The following TSBP1 variants were observed in gnomAD, a reference collection of about 807,000 sequenced individuals.
The protein encoded by TSBP1 is testis-expressed basic protein 1.
In TSBP1, 56 loss-of-function variants were observed where a neutral mutation model predicts 68.8. The observed-to-expected ratio is 0.81, with a 90% CI of 0.66 to 1.02. TSBP1 has a LOEUF of 1.02. Among genes scored for constraint, TSBP1 ranks in the 50% least tolerant of loss-of-function variants. The pLI is 0.00. For missense variants in TSBP1, 502 were observed against 641.2 expected (o/e 0.78, Z 2.34); for synonymous variants, 171 against 208.7 (o/e 0.82, Z 1.56).
intron 8 of TSBP1, among the ~76,000 whole-genome samples, chr6:32,350,465 A>G (rs1414688832): frequency 6.6e-6 from 1 of 152,188 alleles, no homozygotes; most frequent in Non-Finnish European, 1.5e-5. Context: ...GAAAACTAAA[A>G]AGAGAAGTAA....
At chr6:32,324,579 A>G (rs1364822298) in intron 16 of TSBP1, 1 of 1,535,594 alleles carries the variant, frequency 6.5e-7, no homozygotes, top group Non-Finnish European at 8.8e-7. Context: ...GTATCCCAAT[A>G]TGGGCAGATA....
chr6:32,334,901 G>A (rs1325355005), intron 14 of TSBP1, among the ~76,000 whole-genome samples: 7 of 152,168 alleles, frequency 4.6e-5, no homozygotes, highest in African/African-American at 7.2e-5. Context: ...GGGCGTGGTG[G>A]TGGGTGCCTG....
chr6:32,327,704 A>G (rs1443727899), intron 16 of TSBP1, among the ~76,000 whole-genome samples: 1 of 139,054 alleles, frequency 7.2e-6, no homozygotes, highest in Non-Finnish European at 1.5e-5. Flanking sequence ...CCCAGGCTGG[A>G]GTGCAGTGGC....
chr6:32,367,243 A>AAGAGAGAGAG (rs67714335), intron 4 of TSBP1, among the ~76,000 whole-genome samples: 8 of 130,736 alleles, frequency 6.1e-5, no homozygotes, highest in Admixed American at 2.1e-4. Context: ...GAGGGAAGGA[A>AAGAGAGAGAG]AGAGAGAGAG....
Position 32,337,698 on chromosome 6 carries a change from CCCA to C in TSBP1, c.410-1066_410-1064del, listed in dbSNP as rs1174208849. ...CACATACACATACACACACACACAC[CCCA>C]CCACACCTCTCTACACCTCATAGGC... On this transcript the variant is annotated intron_variant, in intron 11 of 22. Coordinates refer to ENST00000612031, the Ensembl canonical transcript of TSBP1. This position sits in a 1 kb window ranked among gnomAD's most constrained non-coding sequence, Gnocchi z 5.5. Among the ~76,000 whole-genome samples, 1 of 151,736 alleles carries C rather than the reference CCCA, an allele frequency of 6.6e-6. No homozygotes were observed. Among genetic ancestry groups the C allele is most frequent in the Non-Finnish European group, 1.5e-5 (1 of 67,888 alleles).
At chr6:32,366,420 C>A (rs1562197904) in intron 4 of TSBP1, 118 bp from the exon 5 acceptor site, 1 of 1,000,374 alleles carries the variant, frequency 1.0e-6, no homozygotes, top group African/African-American at 1.6e-5. Context: ...GAAGAAAAAT[C>A]TTTTAGGAAA....
chr6:32,323,658 G>A (rs540552166), intron 16 of TSBP1, 44 bp from the exon 18 acceptor site: 1 of 1,596,478 alleles, frequency 6.3e-7, no homozygotes, highest in Middle Eastern at 1.7e-4. Flanking sequence ...TTTCTCCCAT[G>A]ATATTTTCCT....
At position 32,365,771 on chromosome 6, in the gene TSBP1, C is replaced by T; in HGVS notation, c.217+396G>A. ...GTTCTTCTTACCCTCTTTAATACAT[C>T]TGTTCTAGGATTTTATAACCTGACA... On this transcript the variant is annotated intron_variant, in intron 6 of 22. Coordinates refer to ENST00000612031, the Ensembl canonical transcript of TSBP1. The surrounding 1 kb of genome is among the most constrained non-coding windows in gnomAD (Gnocchi z 4.3). The T allele has an allele frequency of 2.5e-6, 1 of 396,970 alleles. No individual in the cohort carries two copies. Among genetic ancestry groups the T allele is most frequent in the South Asian group, 1.9e-5 (1 of 53,232 alleles). The allele number at this position is 396,970 out of a possible 1,614,324, so 24.6% of individuals were successfully genotyped here.
At position 32,335,393 on chromosome 6, in the gene TSBP1, G is replaced by C. The variant is rs752536051; in HGVS notation, c.472+44C>G. The C allele has an allele frequency of 1.4e-6, 2 of 1,477,442 alleles. No individual in the cohort carries two copies. Among genetic ancestry groups the C allele is most frequent in the Non-Finnish European group, 1.8e-6 (2 of 1,110,356 alleles). The allele number at this position is 1,477,442 out of a possible 1,614,324, so 91.5% of individuals were successfully genotyped here. A position where few individuals can be genotyped will look rare whatever the true frequency, so the allele number is the denominator to read the frequency against. ...AAATAAAAATAGATTGATGTTCTAA[G>C]TAAAGTACTAAAAGGCATTATAATT... On this transcript the variant is annotated intron_variant, in intron 14 of 22. Transcript: ENST00000612031. This position sits in a 1 kb window ranked among gnomAD's most constrained non-coding sequence, Gnocchi z 5.5.
At chr6:32,293,369 A>T (rs779538183) in exon 23 of TSBP1, 1 of 1,612,502 alleles carries the variant, frequency 6.2e-7, no homozygotes, top group Non-Finnish European at 8.5e-7. Context: ...TTCCTTTGGC[A>T]CATCTGCCTC....
intron 6 of TSBP1, among the ~76,000 whole-genome samples, chr6:32,359,693 T>G (rs1772777542): frequency 6.6e-6 from 1 of 152,146 alleles, no homozygotes; most frequent in African/African-American, 2.4e-5. Flanking sequence ...GCCATTGCTT[T>G]TGGTGTTTTA....
At chr6:32,324,615 C>CAACT (rs57257463) in intron 16 of TSBP1, 1,057,627 of 1,548,210 alleles carry the variant, frequency 0.68, 363,508 homozygotes, top group South Asian at 0.81. Context: ...CACTAGAGAC[C>CAACT]GAGTCCTAAA....
At chr6:32,371,869 G>T in exon 1 of TSBP1, 1 of 734,764 alleles carries the variant, frequency 1.4e-6, no homozygotes, top group Admixed American at 2.0e-5. Flanking sequence ...CTGAGAAATT[G>T]TGTGGAGCAG....
At position 32,343,735 on chromosome 6, in the gene TSBP1, C is replaced by T. The variant is rs1363437891; in HGVS notation, c.350-4097G>A. Among the ~76,000 whole-genome samples, 3 of 152,184 alleles carry T rather than the reference C, an allele frequency of 2.0e-5. No homozygotes were observed. The highest frequency in any genetic ancestry group is 7.2e-5 in the African/African-American group (3 of 41,444). ...CTTCCAGTTTGCTTGACTTTAAGTT[C>T]AGCACGTTTTCCTTCATATTCTTTA... is the stretch of plus-strand genomic sequence containing the variant. On this transcript the variant is annotated intron_variant, in intron 9 of 22. Transcript: ENST00000612031. The surrounding 1 kb of genome is among the most constrained non-coding windows in gnomAD (Gnocchi z 4.3).
At chr6:32,313,138 T>C (rs1766580424) in intron 19 of TSBP1, among the ~76,000 whole-genome samples, 1 of 152,074 alleles carries the variant, frequency 6.6e-6, no homozygotes, top group Non-Finnish European at 1.5e-5. Flanking sequence ...GTTTTGCACC[T>C]CCATAGCAGG....
At position 32,335,383 on chromosome 6, in the gene TSBP1, G is replaced by T. The variant is rs114475254; in HGVS notation, c.472+54C>A. The T allele has an allele frequency of 0.018, 25,484 of 1,454,128 alleles. 300 individuals carry two copies. The highest frequency in any genetic ancestry group is 0.021 in the Non-Finnish European group (22,544 of 1,092,334). 90.1% of individuals were successfully genotyped at this position (1,454,128 alleles called of 1,614,324 possible). ...TGAATAATTGAAATAAAAATAGATTGATGTTCTAAGTAAAGTACTAAAAGG... is the reference window on the plus strand; with the variant it reads ...TGAATAATTGAAATAAAAATAGATTTATGTTCTAAGTAAAGTACTAAAAGG... On this transcript the variant is annotated intron_variant, in intron 14 of 22. Transcript: ENST00000612031. The surrounding 1 kb of genome is among the most constrained non-coding windows in gnomAD (Gnocchi z 5.5).
chr6:32,363,036 A>G (rs148745303), intron 6 of TSBP1, among the ~76,000 whole-genome samples: 215 of 152,288 alleles, frequency 1.4e-3, no homozygotes, highest in African/African-American at 4.5e-3. Flanking sequence ...AATATTATAT[A>G]TTTAGGTGCT....
chr6:32,363,192 C>T (rs1010626975), intron 6 of TSBP1, among the ~76,000 whole-genome samples: 10 of 152,026 alleles, frequency 6.6e-5, no homozygotes, highest in Admixed American at 6.6e-4. Flanking sequence ...CCACCCCTAC[C>T]GTCTTTTGTT....
At chr6:32,295,371 G>A (rs1012588366) in intron 22 of TSBP1, among the ~76,000 whole-genome samples, 62 of 89,916 alleles carry the variant, frequency 6.9e-4, no homozygotes, top group Admixed American at 9.4e-4. Context: ...AAAAAAAAAA[G>A]AAGACCTAGG....
Sources: allele counts gnomAD v4.1 joint callset (sites outside exome capture counted in the v4.1 genomes callset), GRCh38; gene constraint gnomAD v4.1.1; non-coding constraint Gnocchi (gnomAD v3.1); transcripts MANE v1.5; gene names NCBI Gene and HGNC (gene_info 2026-07-23, HGNC 2026-07-21).